The following ENAM variants were observed in gnomAD, a reference collection of about 807,000 sequenced individuals.
The protein encoded by ENAM is enamelin.
ENAM carries 21 observed loss-of-function variants against 33.6 expected under a neutral mutation model. The observed-to-expected ratio is 0.63, with a 90% CI of 0.44 to 0.90. ENAM has a LOEUF of 0.90. Ranked by LOEUF, ENAM falls within the 40% of genes least tolerant of loss-of-function variation. The probability of loss-of-function intolerance (pLI) is 0.00; values close to 1 mark genes in which losing one functional copy is unlikely to be tolerated. For synonymous variants in ENAM, 473 were observed against 468.4 expected (o/e 1.01, Z -0.13); for missense variants, 1,388 against 1,366.9 (o/e 1.02, Z -0.24).
intron 4 of ENAM, among the ~76,000 whole-genome samples, chr4:70,632,165 A>C (rs1321813806): frequency 6.6e-6 from 1 of 152,158 alleles, no homozygotes; most frequent in Non-Finnish European, 1.5e-5. Context: ...TAAGTTTTTT[A>C]GCTAGCAAAA....
At chr4:70,639,406 G>A (rs111837816) in intron 8 of ENAM, among the ~76,000 whole-genome samples, 28,654 of 150,576 alleles carry the variant, frequency 0.19, 6,421 homozygotes, top group African/African-American at 0.55. Context: ...CCTGGCCAAG[G>A]TGGTGAAATC....
At chr4:70,637,636 CTG>C in intron 7 of ENAM, 152 bp from the exon 8 acceptor site, 1 of 709,542 alleles carries the variant, frequency 1.4e-6, no homozygotes, top group South Asian at 1.5e-5. Flanking sequence ...AGCAGCTGGA[CTG>C]TGAGAGCTAA....
chr4:70,641,381 T>TTTTA, intron 8 of ENAM, among the ~76,000 whole-genome samples: 1 of 150,842 alleles, frequency 6.6e-6, no homozygotes, highest in East Asian at 1.9e-4. Context: ...TTTTTTTTTA[T>TTTTA]TTTATTTATT....
At chr4:70,633,155 G>A (rs1017288470) in intron 5 of ENAM, among the ~76,000 whole-genome samples, 1 of 151,996 alleles carries the variant, frequency 6.6e-6, no homozygotes, top group East Asian at 1.9e-4. Context: ...TGTCAGAACA[G>A]ACAAATCAAG....
chr4:70,634,525 C>T lies in ENAM; in HGVS notation c.428C>T (p.Ser143Leu). The change falls in exon 6 of 9, where the codon TCA (serine) becomes TTA (leucine). Residue 143 changes from serine to leucine, a missense_variant. Ser to Leu is a moderately radical substitution (Grantham distance 145). Transcript: ENST00000396073. Reference protein sequence around the residue: ...PPQKRPLKQPSHNQPQPEEEA... With the variant: ...PPQKRPLKQPLHNQPQPEEEA... Reference sequence around the variant, plus strand: ...CAAAAGCGGCCTTTGAAGCAGCCATCACATAATCAACCTCAGCCCGAAGAG... The same window carrying T: ...CAAAAGCGGCCTTTGAAGCAGCCATTACATAATCAACCTCAGCCCGAAGAG... The T allele has an allele frequency of 6.2e-7, 1 of 1,614,164 alleles. No individual in the cohort carries two copies. The highest frequency in any genetic ancestry group is 8.5e-7 in the Non-Finnish European group (1 of 1,180,020).
rs760419924 is a variant in ENAM at position 70,637,844 on chromosome 4, G to T, written c.588+1G>T. 7 of 1,605,568 alleles carry T rather than the reference G, an allele frequency of 4.4e-6. No individual in the cohort carries two copies. The highest frequency in any genetic ancestry group is 1.7e-5 in the Admixed American group (1 of 59,994). On this transcript the variant is annotated splice_donor_variant, in intron 8 of 8. Transcript: ENST00000396073. LOFTEE classifies it high-confidence loss of function. ...ACCAATCAGCAATGAAGAAGGGGGGGTAAGTACAAGTAAAACTACATTCTC... is the reference window on the plus strand; with the variant it reads ...ACCAATCAGCAATGAAGAAGGGGGGTTAAGTACAAGTAAAACTACATTCTC...
At chr4:70,637,656 A>G in intron 7 of ENAM, 134 bp from the exon 8 acceptor site, 2 of 761,352 alleles carry the variant, frequency 2.6e-6, no homozygotes, top group South Asian at 2.8e-5. Context: ...TAATAACTCA[A>G]ACGCTAAAAG....
chr4:70,632,521 A>T (rs954500759), intron 4 of ENAM, 130 bp from the exon 5 acceptor site: 34 of 780,496 alleles, frequency 4.4e-5, no homozygotes, highest in Non-Finnish European at 7.5e-5. Context: ...GTTGTGCATT[A>T]AAATCAGAAA....
intron 5 of ENAM, 77 bp from the exon 6 acceptor site, chr4:70,634,231 G>C (rs1000531546): frequency 2.1e-6 from 3 of 1,432,564 alleles, no homozygotes; most frequent in Admixed American, 1.7e-5. Flanking sequence ...CTGAGTTTTA[G>C]AGGCTGACAT....
At chr4:70,629,738 T>G (rs746389878) in intron 2 of ENAM, among the ~76,000 whole-genome samples, 184 bp downstream of exon 2, 3 of 152,132 alleles carry the variant, frequency 2.0e-5, no homozygotes, top group Non-Finnish European at 4.4e-5. Context: ...TCATTATGAG[T>G]GTTACTTTCA....
intron 4 of ENAM, 147 bp downstream of exon 4, chr4:70,632,040 A>T: frequency 1.3e-6 from 1 of 765,368 alleles, no homozygotes; most frequent in South Asian, 1.5e-5. Context: ...TTAAACTCTC[A>T]AATCGAGGCA....
chr4:70,642,122 T>TAAAG lies in ENAM; in HGVS notation c.696_697insAAAG (p.Pro233LysfsTer3). On this transcript the variant is annotated frameshift_variant, in exon 9 of 9. Coordinates refer to ENST00000396073, the MANE Select transcript of ENAM (RefSeq NM_031889.3). LOFTEE classifies it low-confidence loss of function (END_TRUNC). The stretch of plus-strand genomic sequence containing the variant: ...TTGAAAAACCCAAAGAAGAAGATCC[T>TAAAG]CCTAAAGCAGAAAGTCCAGGCACAG... 6.2e-7 allele frequency: 1 copy of TAAAG among 1,613,978 alleles called. No individual in the cohort carries two copies. Among genetic ancestry groups the TAAAG allele is most frequent in the Non-Finnish European group, 8.5e-7 (1 of 1,179,924 alleles).
At position 70,646,337 on chromosome 4, in the gene ENAM, C is replaced by G. The variant is rs1738762256; in HGVS notation, c.*1482C>G. On this transcript the variant is annotated 3_prime_UTR_variant, in exon 9 of 9. Coordinates refer to ENST00000396073, the MANE Select transcript of ENAM (RefSeq NM_031889.3). ...AATTACCTAAAAACATACTTTATAACTTTAAGAGATTTCTTAGGATACATC... is the reference window on the plus strand; with the variant it reads ...AATTACCTAAAAACATACTTTATAAGTTTAAGAGATTTCTTAGGATACATC... 6.6e-6 allele frequency: 1 copy of G among 152,146 alleles called. No individual in the cohort carries two copies. Among genetic ancestry groups the G allele is most frequent in the Non-Finnish European group, 1.5e-5 (1 of 68,020 alleles). 9.4% of individuals were successfully genotyped at this position (152,146 alleles called of 1,614,324 possible).
intron 8 of ENAM, 135 bp downstream of exon 8, chr4:70,637,978 TA>T (rs1220870964): frequency 2.8e-6 from 2 of 713,990 alleles, no homozygotes; most frequent in African/African-American, 1.8e-5. Flanking sequence ...TTTTAGAAAA[TA>T]AAAAAGTTAA....
At chr4:70,637,405 G>A (rs1738477971) in intron 7 of ENAM, among the ~76,000 whole-genome samples, 1 of 152,080 alleles carries the variant, frequency 6.6e-6, no homozygotes, top group African/African-American at 2.4e-5. Context: ...ATGGATACTT[G>A]GATTCTAACA....
In ENAM at chr4:70,642,328, G is replaced by A; in HGVS notation, c.902G>A (p.Gly301Glu). The A allele has an allele frequency of 6.2e-7, 1 of 1,614,176 alleles. No individual in the cohort carries two copies. The highest frequency in any genetic ancestry group is 8.5e-7 in the Non-Finnish European group (1 of 1,180,032). The change falls in exon 9 of 9, where the codon GGA becomes GAA. Residue 301 changes from glycine to glutamate, a missense_variant. Physicochemically the swap from Gly to Glu is moderately conservative, Grantham distance 98 (BLOSUM62 -2). Coordinates refer to ENST00000396073, the MANE Select transcript of ENAM (RefSeq NM_031889.3). The stretch of plus-strand genomic sequence containing the variant: ...CCTGCAGTCAACGCTTCAGGCCAGG[G>A]AGGGCCAGGAAGTCAAATCCCATGG... ...PLPAVNASGQ[G>E]GPGSQIPWRP... is the part of the protein sequence containing the mutation.
rs759496752 is a variant in ENAM, at chr4:70,643,783, T to C, written c.2357T>C (p.Ile786Thr). The change falls in exon 9 of 9, where the codon ATC (isoleucine) becomes ACC (threonine). Residue 786 changes from isoleucine to threonine, a missense_variant. By Grantham distance (89) the Ile-to-Thr change is moderately conservative. Transcript: ENST00000396073. ...AGAAGGCCGTATTTTAACAGAAATA[T>C]CTGGGATCAGGCAACACATTTACAA... The part of the protein sequence containing the change: ...RERRPYFNRN[I>T]WDQATHLQKA... 6.2e-7 allele frequency: 1 copy of C among 1,614,096 alleles called. No homozygotes were observed. Among genetic ancestry groups the C allele is most frequent in the Non-Finnish European group, 8.5e-7 (1 of 1,180,012 alleles).
In ENAM at chr4:70,642,023, C is replaced by T. The variant is rs777331980; in HGVS notation, c.597C>T (p.Tyr199=). ...CATTTTCTTTCCTACAGAATCCTTACTTTGGATATTTTGGATATCATGGCT... is the reference window on the plus strand; with the variant it reads ...CATTTTCTTTCCTACAGAATCCTTATTTTGGATATTTTGGATATCATGGCT... ...PISNEEGGNP[Y]FGYFGYHGFG... The change falls in exon 9 of 9, where the codon TAC becomes TAT. Residue 199 remains tyrosine, a synonymous_variant. Transcript: ENST00000396073. 1 of 1,611,604 alleles carries T rather than the reference C, an allele frequency of 6.2e-7. No individual in the cohort carries two copies. Among genetic ancestry groups the T allele is most frequent in the Non-Finnish European group, 8.5e-7 (1 of 1,177,670 alleles).
Position 70,642,849 on chromosome 4 carries a change from C to T in ENAM, c.1423C>T (p.His475Tyr). The change falls in exon 9 of 9, where the codon CAC becomes TAC. Residue 475 changes from histidine to tyrosine, a missense_variant. Coordinates refer to ENST00000396073, the MANE Select transcript of ENAM (RefSeq NM_031889.3). ...TAATAAATCAAATTATAAACTGCCT[C>T]ACTCTGAGGGTTATATGCCAGTCCC... ...EVNKSNYKLP[H>Y]SEGYMPVPNF... The T allele has an allele frequency of 6.2e-7, 1 of 1,614,026 alleles. No homozygotes were observed. Among genetic ancestry groups the T allele is most frequent in the Non-Finnish European group, 8.5e-7 (1 of 1,179,942 alleles).
Sources: allele counts gnomAD v4.1 joint callset (sites outside exome capture counted in the v4.1 genomes callset), GRCh38; gene constraint gnomAD v4.1.1; transcripts MANE v1.5; gene names NCBI Gene and HGNC (gene_info 2026-07-23, HGNC 2026-07-21).